TRPV1: variants seen among roughly 807,000 people sequenced by gnomAD.
TRPV1 encodes OTRPC1.
A neutral mutation model predicts 82.3 loss-of-function variants in TRPV1; 82 were observed. The ratio of observed to expected loss-of-function variants is 1.00; its 90% CI spans 0.83 to 1.20. The LOEUF (loss-of-function observed/expected upper bound fraction) is 1.20. Ranked by LOEUF, TRPV1 falls within the 50% of genes most tolerant of loss-of-function variation. The probability of loss-of-function intolerance (pLI) is 0.00; values close to 1 mark genes in which losing one functional copy is unlikely to be tolerated. For missense variants in TRPV1, 1,067 were observed against 1,096.8 expected (o/e 0.97, Z 0.38); for synonymous variants, 515 against 467.7 (o/e 1.10, Z -1.30).
chr17:3,594,186 C>A (rs1292045891), intron 2 of TRPV1, among the ~76,000 whole-genome samples: 3 of 141,658 alleles, frequency 2.1e-5, no homozygotes, highest in Non-Finnish European at 4.5e-5. Context: ...AGCAGCTGCA[C>A]ACATGGGGAA....
chr17:3,581,666 C>T (rs1005951300), intron 10 of TRPV1, among the ~76,000 whole-genome samples: 2 of 151,610 alleles, frequency 1.3e-5, no homozygotes, highest in African/African-American at 4.8e-5. Flanking sequence ...GCGGGCGGAT[C>T]ACGAGGTCAG....
At chr17:3,576,557 CAGG>C (rs2074930227) in intron 13 of TRPV1, among the ~76,000 whole-genome samples, 1 of 149,284 alleles carries the variant, frequency 6.7e-6, no homozygotes. Context: ...GAGGCTGAGG[CAGG>C]AGAATGGCGT....
intron 2 of TRPV1, among the ~76,000 whole-genome samples, chr17:3,596,183 A>C (rs569652998): frequency 6.6e-6 from 1 of 152,228 alleles, no homozygotes; most frequent in East Asian, 1.9e-4. Context: ...GTCTTTCTCA[A>C]CTCCAAAGCC....
chr17:3,587,729 C>T (rs1051993605), intron 8 of TRPV1, among the ~76,000 whole-genome samples: 2 of 151,698 alleles, frequency 1.3e-5, no homozygotes, highest in Non-Finnish European at 2.9e-5. Flanking sequence ...AGGAGAATCG[C>T]TTGAACCCGG....
chr17:3,596,737 T>C (rs977123562), intron 2 of TRPV1, among the ~76,000 whole-genome samples: 1 of 152,156 alleles, frequency 6.6e-6, no homozygotes, highest in African/African-American at 2.4e-5. Context: ...CACGACCACC[T>C]TTGAGGCAGC....
chr17:3,604,496 G>A (rs1315082298), intron 2 of TRPV1, among the ~76,000 whole-genome samples: 1 of 151,892 alleles, frequency 6.6e-6, no homozygotes, highest in Non-Finnish European at 1.5e-5. Flanking sequence ...TACTCAGGAG[G>A]CTGAGGCAGG....
chr17:3,603,341 C>T (rs2075277480), intron 2 of TRPV1, among the ~76,000 whole-genome samples: 1 of 152,098 alleles, frequency 6.6e-6, no homozygotes, highest in Admixed American at 6.5e-5. Context: ...TGGAGCCCCG[C>T]TCTGCAGAGC....
At chr17:3,577,399 G>A (rs917324463) in intron 12 of TRPV1, among the ~76,000 whole-genome samples, 199 bp downstream of exon 12, 3 of 152,118 alleles carry the variant, frequency 2.0e-5, no homozygotes, top group Admixed American at 1.3e-4. Flanking sequence ...TGGTGTGCAG[G>A]GGGGGTCAGG....
In TRPV1 at chr17:3,591,302, G is replaced by A. The variant is rs2075154561; in HGVS notation, c.336C>T (p.Leu112=). ...CTTCAAAGATACTCCTGCGATCATA[G>A]AGCCTGAGGGTCTTCTCGGTGCTGG... ...VAASTEKTLR[L]YDRRSIFEAV... Residue 112 remains leucine, a synonymous_variant, in exon 4 of 17, where the codon CTC becomes CTT. Transcript: ENST00000572705. 3 of 1,607,098 alleles carry A rather than the reference G, an allele frequency of 1.9e-6. No individual in the cohort carries two copies. The highest frequency in any genetic ancestry group is 2.2e-5 in the East Asian group (1 of 44,840).
rs769620476 is a variant in TRPV1, at chr17:3,589,841, G to A, written c.1010C>T (p.Pro337Leu). Residue 337 changes from proline (P) to leucine (L), a missense_variant, in exon 7 of 17, where the codon CCG becomes CTG. Pro to Leu is a moderately conservative substitution (Grantham distance 98). Coordinates refer to ENST00000572705, the MANE Select transcript of TRPV1 (RefSeq NM_080704.4). ...CCCGGTCCCAGCTGCCAGAGCCAGC[G>A]GCGTCATTCCCTTCTTGTTGGTGAG... ...EELTNKKGMTPLALAAGTGKI... is the reference protein window; with the variant it reads ...EELTNKKGMTLLALAAGTGKI... 1.7e-5 allele frequency: 27 copies of A among 1,613,712 alleles called. No individual in the cohort carries two copies. Among genetic ancestry groups the A allele is most frequent in the African/African-American group, 1.2e-4 (9 of 74,914 alleles).
chr17:3,569,957 G>A (rs1039467237), intron 16 of TRPV1, among the ~76,000 whole-genome samples: 10 of 150,896 alleles, frequency 6.6e-5, no homozygotes, highest in Admixed American at 6.6e-4. Context: ...GGGAGGAGGG[G>A]CCAAGGGGTC....
At chr17:3,573,532 G>GGGGGGGGGGCC in intron 14 of TRPV1, 101 bp downstream of exon 14, 1 of 257,076 alleles carries the variant, frequency 3.9e-6, no homozygotes. Flanking sequence ...GCCACACACC[G>GGGGGGGGGGCC]CCCCCACCAC....
At chr17:3,580,180 G>A (rs371187387) in intron 11 of TRPV1, among the ~76,000 whole-genome samples, 25 of 152,272 alleles carry the variant, frequency 1.6e-4, no homozygotes, top group East Asian at 7.7e-4. Flanking sequence ...CCAACCCCTC[G>A]AATGGCAGAT....
At chr17:3,586,030 C>T in intron 8 of TRPV1, 104 bp from the exon 9 acceptor site, 1 of 1,441,720 alleles carries the variant, frequency 6.9e-7, no homozygotes, top group Non-Finnish European at 9.4e-7. Flanking sequence ...CCGCACAGTC[C>T]TCAGCCCACG....
intron 2 of TRPV1, among the ~76,000 whole-genome samples, chr17:3,606,336 G>A (rs2075296098): frequency 6.6e-6 from 1 of 152,160 alleles, no homozygotes; most frequent in South Asian, 2.1e-4. Flanking sequence ...CCTCACTCAG[G>A]GACCCAGGCT....
intron 13 of TRPV1, among the ~76,000 whole-genome samples, chr17:3,576,180 C>A (rs2074925845): frequency 6.6e-6 from 1 of 152,074 alleles, no homozygotes; most frequent in South Asian, 2.1e-4. Flanking sequence ...TGAGATGGCG[C>A]CACTGCACTC....
At chr17:3,592,493 C>T in intron 2 of TRPV1, 110 bp from the exon 3 acceptor site, 7 of 1,117,670 alleles carry the variant, frequency 6.3e-6, no homozygotes, top group Non-Finnish European at 8.7e-6. Context: ...CCCCAAAACT[C>T]CAACTTGCTG....
At chr17:3,595,391 G>T (rs760401502) in intron 2 of TRPV1, among the ~76,000 whole-genome samples, 3 of 152,098 alleles carry the variant, frequency 2.0e-5, no homozygotes, top group Non-Finnish European at 4.4e-5. Context: ...CTGGAGGTCT[G>T]GGGCTCTTTC....
At chr17:3,593,138 C>CTGTGTGTG (rs796884627) in intron 2 of TRPV1, among the ~76,000 whole-genome samples, 12 of 42,730 alleles carry the variant, frequency 2.8e-4, no homozygotes, top group African/African-American at 1.5e-3. Context: ...GTGTGTGTGT[C>CTGTGTGTG]TGTGTGTCTC....
Sources: gnomAD v4.1 joint callset for allele counts (sites outside exome capture counted in the v4.1 genomes callset) on GRCh38, gnomAD v4.1.1 for gene constraint, MANE v1.5 for transcripts, NCBI Gene and HGNC (gene_info 2026-07-23, HGNC 2026-07-21) for gene names.